PGAP3: variants seen among roughly 807,000 people sequenced by gnomAD.
The protein encoded by PGAP3 is post-GPI attachment to proteins phospholipase 3, also known as GPI-specific phospholipase A2-like PGAP3.
A neutral mutation model predicts 40.3 loss-of-function variants in PGAP3; 31 were observed. The ratio of observed to expected loss-of-function variants is 0.77; its 90% CI spans 0.58 to 1.04. The LOEUF (loss-of-function observed/expected upper bound fraction) is 1.04, where lower values mean the gene tolerates loss of function less well. PGAP3 is among the 50% of genes least tolerant of loss of function. PGAP3 has a pLI of 0.00. For synonymous variants in PGAP3, 191 were observed against 184.5 expected, an observed-to-expected ratio of 1.04 and a Z score of -0.29; for missense variants, 413 against 423.0, an observed-to-expected ratio of 0.98 and a Z score of 0.21.
chr17:39,687,836 G>A lies in PGAP3; in HGVS notation c.179C>T (p.Ala60Val). ...RSRQPIYMSL[A>V]GWTCRDDCKY... ...CTTACCGTGGGGGTGGGGCTTACCT[G>A]CTAGACTCATGTAGATTGGCTGGCG... Residue 60 changes from alanine (A) to valine (V), a missense_variant and splice_region_variant, in exon 1 of 8, where the codon GCA becomes GTA. Transcript: ENST00000300658. The A allele has an allele frequency of 2.7e-6, 4 of 1,475,320 alleles. No homozygotes were observed. The highest frequency in any genetic ancestry group is 3.6e-6 in the Non-Finnish European group (4 of 1,097,260). The allele number at this position is 1,475,320 out of a possible 1,614,324, so 91.4% of individuals were successfully genotyped here. A position where few individuals can be genotyped will look rare whatever the true frequency, so the allele number is the denominator to read the frequency against.
chr17:39,675,149 G>A (rs995997562), intron 3 of PGAP3, among the ~76,000 whole-genome samples: 4 of 151,990 alleles, frequency 2.6e-5, no homozygotes, highest in Admixed American at 2.0e-4. Context: ...CCAAGCAGCA[G>A]GGGAGGGAGA....
chr17:39,687,442 C>A (rs896057094), intron 1 of PGAP3, among the ~76,000 whole-genome samples: 2 of 152,268 alleles, frequency 1.3e-5, no homozygotes, highest in Middle Eastern at 6.8e-3. Context: ...TCTTCAAAGC[C>A]GGAACTGACA....
In PGAP3 at chr17:39,687,946, G is replaced by A. The variant is rs375234528; in HGVS notation, c.69C>T (p.Gly23=). The change falls in exon 1 of 8, where the codon GGC becomes GGT. Residue 23 remains glycine, a synonymous_variant. Coordinates refer to ENST00000300658, the MANE Select transcript of PGAP3 (RefSeq NM_033419.5). ...GAAALASGSQ[G]DREPVYRDCV... ...AGTCGCGGTACACCGGCTCACGGTC[G>A]CCCTGGGAGCCGCTCGCCAGCGCCG... is the stretch of plus-strand genomic sequence containing the variant. 4.8e-6 allele frequency: 7 copies of A among 1,473,200 alleles called. No individual in the cohort carries two copies. The highest frequency in any genetic ancestry group is 1.4e-5 in the African/African-American group (1 of 70,242). The allele number at this position is 1,473,200 out of a possible 1,614,324, so 91.3% of individuals were successfully genotyped here.
At chr17:39,672,908 A>G in intron 7 of PGAP3, 42 bp from the exon 8 acceptor site, 1 of 1,605,532 alleles carries the variant, frequency 6.2e-7, no homozygotes, top group East Asian at 2.2e-5. Flanking sequence ...CACAGCTCTG[A>G]CAGCTCGCAT....
chr17:39,674,580 CA>C (rs1245903245), intron 4 of PGAP3, 36 bp downstream of exon 4: 5 of 1,537,514 alleles, frequency 3.3e-6, no homozygotes, highest in Non-Finnish European at 4.4e-6. Context: ...CCTCTGGGAC[CA>C]CCCTGTGCAG....
At chr17:39,673,882 G>A (rs2057342040) in intron 5 of PGAP3, 111 bp downstream of exon 5, 1 of 1,353,086 alleles carries the variant, frequency 7.4e-7, no homozygotes, top group Non-Finnish European at 1.0e-6. Flanking sequence ...TGGGGGTTGG[G>A]GGGCGTAGGT....
rs1261865288 is a variant in PGAP3, at chr17:39,673,146, C to G, written c.804G>C (p.Leu268=). 2 of 1,601,116 alleles carry G rather than the reference C, an allele frequency of 1.2e-6. No homozygotes were observed. The highest frequency in any genetic ancestry group is 1.7e-6 in the Non-Finnish European group (2 of 1,174,510). Residue 268 remains leucine, a synonymous_variant, in exon 7 of 8, where the codon CTG becomes CTC. Transcript: ENST00000300658. The part of the protein sequence containing the change: ...VVVLLLQGLS[L]LELLDFPPLF... ...GCGGTGGGAAGTCAAGCAGCTCGAG[C>G]AGGGACAGCCCCTGCAGCAGCAAGA...
At chr17:39,675,139 C>G (rs2057360520) in intron 3 of PGAP3, among the ~76,000 whole-genome samples, 1 of 151,702 alleles carries the variant, frequency 6.6e-6, no homozygotes, top group Non-Finnish European at 1.5e-5. Flanking sequence ...GGGGTGTGTT[C>G]CAAGCAGCAG....
rs1597809951 is a variant in PGAP3 at position 39,671,657 on chromosome 17, C to G, written c.*1146G>C. 1 of 152,366 alleles carries G rather than the reference C, an allele frequency of 6.6e-6. No individual in the cohort carries two copies. The highest frequency in any genetic ancestry group is 1.5e-5 in the Non-Finnish European group (1 of 68,086). The allele number at this position is 152,366 out of a possible 1,614,324, so 9.4% of individuals were successfully genotyped here. A position where few individuals can be genotyped will look rare whatever the true frequency, so the allele number is the denominator to read the frequency against. On this transcript the variant is annotated 3_prime_UTR_variant, in exon 8 of 8. Transcript: ENST00000300658. The stretch of plus-strand genomic sequence containing the variant: ...GGAGGATGGAGAGAGCCCCAGCCAT[C>G]CCCATTTTCCTTCCTCTGCCTCCGA...
intron 3 of PGAP3, among the ~76,000 whole-genome samples, chr17:39,674,927 C>T (rs1025703632): frequency 9.9e-5 from 15 of 152,160 alleles, no homozygotes; most frequent in Non-Finnish European, 8.8e-5. Flanking sequence ...CCACAGGTTC[C>T]GGCCTGGCCT....
intron 3 of PGAP3, among the ~76,000 whole-genome samples, chr17:39,682,008 C>A (rs978121366): frequency 7.9e-5 from 12 of 151,526 alleles, no homozygotes; most frequent in Middle Eastern, 3.4e-3. Context: ...ATCACGAGAT[C>A]AGGAGATCGA....
At chr17:39,673,378 T>C in intron 6 of PGAP3, 123 bp from the exon 7 acceptor site, 1 of 1,548,808 alleles carries the variant, frequency 6.5e-7, no homozygotes, top group Admixed American at 1.7e-5. Flanking sequence ...CTCCTCTCTC[T>C]CCCACCTCAA....
At chr17:39,678,626 A>G (rs1474220162) in intron 3 of PGAP3, among the ~76,000 whole-genome samples, 1 of 152,094 alleles carries the variant, frequency 6.6e-6, no homozygotes, top group Non-Finnish European at 1.5e-5. Context: ...CGGGTGAGGG[A>G]CCTTGCCTTC....
At chr17:39,673,383 C>A in intron 6 of PGAP3, 128 bp from the exon 7 acceptor site, 1 of 1,550,970 alleles carries the variant, frequency 6.4e-7, no homozygotes, top group Non-Finnish European at 8.8e-7. Flanking sequence ...CTCTCTCCCA[C>A]CTCAAATTCT....
chr17:39,676,332 G>A (rs2057374713), intron 3 of PGAP3, among the ~76,000 whole-genome samples: 1 of 152,168 alleles, frequency 6.6e-6, no homozygotes, highest in Non-Finnish European at 1.5e-5. Flanking sequence ...GCAGGGACTG[G>A]CAGCCAGCCA....
intron 1 of PGAP3, among the ~76,000 whole-genome samples, chr17:39,686,812 C>T (rs1174889762): frequency 6.6e-6 from 1 of 152,176 alleles, no homozygotes; most frequent in Non-Finnish European, 1.5e-5. Context: ...GACATTTCCT[C>T]TCCTTTTGCT....
At chr17:39,677,272 G>T (rs1378091344) in intron 3 of PGAP3, among the ~76,000 whole-genome samples, 1 of 152,186 alleles carries the variant, frequency 6.6e-6, no homozygotes, top group Non-Finnish European at 1.5e-5. Flanking sequence ...ATCAATGTCA[G>T]TTTCCTTCAT....
chr17:39,687,479 CAA>C (rs1260701121), intron 1 of PGAP3, among the ~76,000 whole-genome samples: 6 of 152,224 alleles, frequency 3.9e-5, no homozygotes, highest in African/African-American at 1.2e-4. Context: ...GCTTCCTAAT[CAA>C]AGAGTCTTTC....
In PGAP3 at chr17:39,687,956, C is replaced by A. The variant is rs745639362; in HGVS notation, c.59G>T (p.Gly20Val). The A allele has an allele frequency of 8.1e-6, 12 of 1,473,020 alleles. No homozygotes were observed. The highest frequency in any genetic ancestry group is 2.2e-5 in the Admixed American group (1 of 44,716). The allele number at this position is 1,473,020 out of a possible 1,614,324, so 91.2% of individuals were successfully genotyped here. Residue 20 changes from glycine (G) to valine (V), a missense_variant, in exon 1 of 8, where the codon GGC becomes GTC. By Grantham distance (109) the Gly-to-Val change is moderately radical. Coordinates refer to ENST00000300658, the MANE Select transcript of PGAP3 (RefSeq NM_033419.5). ...LLAGAAALAS[G>V]SQGDREPVYR... is the part of the protein sequence containing the mutation. ...CACCGGCTCACGGTCGCCCTGGGAG[C>A]CGCTCGCCAGCGCCGCTGCCCCAGC...
Sources: allele counts gnomAD v4.1 joint callset (sites outside exome capture counted in the v4.1 genomes callset), GRCh38; gene constraint gnomAD v4.1.1; transcripts MANE v1.5; gene names NCBI Gene and HGNC (gene_info 2026-07-23, HGNC 2026-07-21).